The following PRKN variants were observed in gnomAD, a reference collection of about 807,000 sequenced individuals.
The protein encoded by PRKN is E3 ubiquitin-protein ligase parkin.
In PRKN, 56 loss-of-function variants were observed where a neutral mutation model predicts 59.5. The observed-to-expected ratio is 0.94, with a 90% CI of 0.76 to 1.18. PRKN has a LOEUF of 1.18. Among genes scored for constraint, PRKN ranks in the 50% most tolerant of loss-of-function variants. The pLI, the probability that PRKN is intolerant of heterozygous loss-of-function variation, is 0.00. For missense variants in PRKN, 657 were observed against 596.4 expected (o/e 1.10, Z -1.06); for synonymous variants, 250 against 222.1 (o/e 1.13, Z -1.12).
In PRKN at chr6:162,363,045, A is replaced by G. The variant is rs982772932; in HGVS notation, c.171+80265T>C. On this transcript the variant is annotated intron_variant, in intron 2 of 11. Coordinates refer to ENST00000366898, the MANE Select transcript of PRKN (RefSeq NM_004562.3). ...CGGGAGGCTGAGGCAGGAGAATGGC[A>G]TGAACCCAGGAGGCAAAGCTTGCAG... Among the ~76,000 whole-genome samples the G allele has an allele frequency of 1.6e-4, 24 of 150,028 alleles. 1 individual carries two copies. The highest frequency in any genetic ancestry group is 5.6e-4 in the African/African-American group (23 of 40,748).
At position 161,584,306 on chromosome 6, in the gene PRKN, C is replaced by A. The variant is rs1287890406; in HGVS notation, c.872-14890G>T. On this transcript the variant is annotated intron_variant, in intron 7 of 11. Transcript: ENST00000366898. This position sits in a 1 kb window ranked among gnomAD's most constrained non-coding sequence, Gnocchi z 4.8. ...AATCAAATAGGACACCAGAGCCCAA[C>A]CTTTCTATTTCAGCTGGTGACTCAT... Among the ~76,000 whole-genome samples the A allele has an allele frequency of 1.3e-5, 2 of 152,174 alleles. No homozygotes were observed. The highest frequency in any genetic ancestry group is 2.9e-5 in the Non-Finnish European group (2 of 68,030).
intron 5 of PRKN, among the ~76,000 whole-genome samples, chr6:162,004,266 G>A (rs7753425): frequency 0.079 from 12,007 of 152,116 alleles, 538 homozygotes; most frequent in Middle Eastern, 0.1. Flanking sequence ...TGCTTCACCC[G>A]CTCTTGCTCC....
At chr6:162,195,996 C>G (rs757920447) in intron 4 of PRKN, among the ~76,000 whole-genome samples, 9 of 152,288 alleles carry the variant, frequency 5.9e-5, no homozygotes, top group Non-Finnish European at 5.9e-5. Flanking sequence ...TATAAAAAGC[C>G]TTACTATATT....
At chr6:161,524,905 G>A (rs1049382446) in intron 9 of PRKN, among the ~76,000 whole-genome samples, 3 of 152,136 alleles carry the variant, frequency 2.0e-5, no homozygotes. Flanking sequence ...CAGAAGAGCA[G>A]GGCTGGCTGC....
At chr6:161,733,478 C>A (rs1347489492) in intron 7 of PRKN, among the ~76,000 whole-genome samples, 1 of 151,924 alleles carries the variant, frequency 6.6e-6, no homozygotes, top group Middle Eastern at 3.2e-3. Context: ...GGGATAACAG[C>A]CAGAATACTA....
At chr6:161,476,657 C>T (rs61114332) in intron 9 of PRKN, among the ~76,000 whole-genome samples, 70,055 of 151,996 alleles carry the variant, frequency 0.46, 17,576 homozygotes, top group Middle Eastern at 0.58. Flanking sequence ...TCAGGGCAGC[C>T]GGGAGGCAGA....
At chr6:162,083,595 A>T (rs112274183) in intron 4 of PRKN, among the ~76,000 whole-genome samples, 12 of 151,762 alleles carry the variant, frequency 7.9e-5, no homozygotes, top group South Asian at 2.1e-4. Context: ...AAGAGAAATA[A>T]TTTTTTTTTC....
intron 6 of PRKN, among the ~76,000 whole-genome samples, chr6:161,953,352 C>T (rs193277674): frequency 1.1e-3 from 166 of 152,230 alleles, no homozygotes; most frequent in Non-Finnish European, 1.8e-3. Flanking sequence ...CTGGGTGATC[C>T]ACCTGCCTCG....
At chr6:162,193,606 C>G (rs550320821) in intron 4 of PRKN, among the ~76,000 whole-genome samples, 1 of 152,270 alleles carries the variant, frequency 6.6e-6, no homozygotes, top group South Asian at 2.1e-4. Flanking sequence ...AAATTAGTGT[C>G]TTTGAACAAA....
At chr6:162,046,133 G>A (rs889364495) in intron 5 of PRKN, among the ~76,000 whole-genome samples, 1 of 152,158 alleles carries the variant, frequency 6.6e-6, no homozygotes, top group African/African-American at 2.4e-5. Flanking sequence ...GTGATAAAGT[G>A]CTTTGTTGTT....
intron 1 of PRKN, among the ~76,000 whole-genome samples, chr6:162,495,785 A>G (rs987530900): frequency 1.3e-5 from 2 of 152,104 alleles, no homozygotes; most frequent in Admixed American, 1.3e-4. Context: ...TTCCAGACAC[A>G]TCTCCACTGT....
chr6:161,368,807 A>C (rs1785327193), intron 10 of PRKN, among the ~76,000 whole-genome samples: 2 of 152,082 alleles, frequency 1.3e-5, no homozygotes, highest in Admixed American at 1.3e-4. Context: ...GAAGGACACC[A>C]GGAGGCCACG....
chr6:162,536,561 T>C (rs985966505), intron 1 of PRKN, among the ~76,000 whole-genome samples: 5 of 151,700 alleles, frequency 3.3e-5, no homozygotes, highest in Admixed American at 6.6e-5. Context: ...TCTGTAGGGA[T>C]TCCACTGTGC....
intron 6 of PRKN, among the ~76,000 whole-genome samples, chr6:161,791,017 G>T (rs1790616003): frequency 6.6e-6 from 1 of 152,058 alleles, no homozygotes; most frequent in African/African-American, 2.4e-5. Context: ...CCTCTCATGG[G>T]TCTTTTGTTC....
At chr6:161,935,140 T>G (rs6909226) in intron 6 of PRKN, among the ~76,000 whole-genome samples, 54,891 of 151,890 alleles carry the variant, frequency 0.36, 10,218 homozygotes, top group Middle Eastern at 0.53. Flanking sequence ...ACTTCAAAAG[T>G]TCACAGAAAA....
chr6:162,077,367 G>A (rs143026070), intron 4 of PRKN, among the ~76,000 whole-genome samples: 130 of 152,224 alleles, frequency 8.5e-4, no homozygotes, highest in South Asian at 2.9e-3. Context: ...TATGATGTTC[G>A]CACAATGACA....
At chr6:161,885,700 C>A (rs1795122911) in intron 6 of PRKN, among the ~76,000 whole-genome samples, 1 of 150,794 alleles carries the variant, frequency 6.6e-6, no homozygotes, top group Admixed American at 6.6e-5. Context: ...CTGAGCCCTC[C>A]TGTAGAACAA....
intron 1 of PRKN, among the ~76,000 whole-genome samples, chr6:162,525,817 T>TA (rs1246740125): frequency 6.6e-6 from 1 of 152,240 alleles, no homozygotes; most frequent in Non-Finnish European, 1.5e-5. Flanking sequence ...CGCTAAGCTG[T>TA]AAAACATATG....
intron 7 of PRKN, among the ~76,000 whole-genome samples, chr6:161,721,010 GA>G (rs1173012982): frequency 6.6e-6 from 1 of 152,152 alleles, no homozygotes; most frequent in East Asian, 1.9e-4. Context: ...GAATATCATG[GA>G]AAAACTTTCC....
Sources: allele counts gnomAD v4.1 joint callset (sites outside exome capture counted in the v4.1 genomes callset), GRCh38; gene constraint gnomAD v4.1.1; non-coding constraint Gnocchi (gnomAD v3.1); transcripts MANE v1.5; gene names NCBI Gene and HGNC (gene_info 2026-07-23, HGNC 2026-07-21).